RANBP17: variants seen among roughly 807,000 people sequenced by gnomAD.
RANBP17 encodes the protein ran-binding protein 17.
RANBP17 carries 158 observed loss-of-function variants against 141.2 expected under a neutral mutation model. The observed-to-expected ratio is 1.12, with a 90% CI of 0.98 to 1.28. RANBP17 has a LOEUF of 1.28. RANBP17 is among the 50% of genes most tolerant of loss of function. The pLI, the probability that RANBP17 is intolerant of heterozygous loss-of-function variation, is 0.00. For synonymous variants in RANBP17, 430 were observed against 450.0 expected, an observed-to-expected ratio of 0.96 and a Z score of 0.56; for missense variants, 1,438 against 1,290.7, an observed-to-expected ratio of 1.11 and a Z score of -1.75.
Position 171,241,018 on chromosome 5 carries a change from A to C in RANBP17, c.2513A>C (p.Lys838Thr). The C allele has an allele frequency of 6.2e-7, 1 of 1,613,974 alleles. No individual in the cohort carries two copies. The highest frequency in any genetic ancestry group is 8.5e-7 in the Non-Finnish European group (1 of 1,179,896). Residue 838 changes from lysine (K) to threonine (T), a missense_variant, in exon 23 of 28, where the codon AAG (lysine) becomes ACG (threonine). Coordinates refer to ENST00000523189, the MANE Select transcript of RANBP17 (RefSeq NM_022897.5). ...KGISICYSAL[K>T]SALCGNYVSF... is the part of the protein sequence containing the mutation. ...ATCTCCATCTGCTATTCAGCTCTCA[A>C]GTCTGCCTTGTGTGGAAATTATGTC...
chr5:171,013,675 T>C (rs1324139978), intron 14 of RANBP17, among the ~76,000 whole-genome samples: 1 of 152,158 alleles, frequency 6.6e-6, no homozygotes, highest in African/African-American at 2.4e-5. Context: ...CTAATAAGTC[T>C]TGAAGTCAGA....
chr5:171,276,811 G>A (rs1346572846), intron 25 of RANBP17, among the ~76,000 whole-genome samples: 5 of 150,638 alleles, frequency 3.3e-5, no homozygotes, highest in African/African-American at 4.9e-5. Context: ...TCACTCACAA[G>A]TATGGCAAAT....
intron 14 of RANBP17, among the ~76,000 whole-genome samples, chr5:171,165,397 C>T (rs547488306): frequency 2.6e-5 from 4 of 152,154 alleles, no homozygotes; most frequent in African/African-American, 9.6e-5. Flanking sequence ...AGGCTGGTCT[C>T]GAACTCCTGA....
At chr5:171,277,783 A>T (rs933565141) in intron 25 of RANBP17, among the ~76,000 whole-genome samples, 1 of 149,558 alleles carries the variant, frequency 6.7e-6, no homozygotes, top group Admixed American at 6.7e-5. Context: ...GCTAATAAGT[A>T]GCAGAACCTG....
At chr5:171,052,906 A>T (rs537583210) in intron 14 of RANBP17, among the ~76,000 whole-genome samples, 1 of 151,648 alleles carries the variant, frequency 6.6e-6, no homozygotes, top group Non-Finnish European at 1.5e-5. Context: ...AGGCTGGGGT[A>T]CAATGGCACG....
At chr5:170,901,400 T>C (rs1024938484) in intron 5 of RANBP17, among the ~76,000 whole-genome samples, 15 of 152,190 alleles carry the variant, frequency 9.9e-5, no homozygotes, top group African/African-American at 3.4e-4. Context: ...AGCCTATGTG[T>C]GTAGGCTATT....
At chr5:171,057,775 G>A (rs1042445997) in intron 14 of RANBP17, among the ~76,000 whole-genome samples, 3 of 152,104 alleles carry the variant, frequency 2.0e-5, no homozygotes, top group African/African-American at 7.2e-5. Context: ...TGGAGGGAGT[G>A]CAAGCAGGGG....
chr5:170,916,464 G>C lies in RANBP17; in HGVS notation c.835-1G>C. On this transcript the variant is annotated splice_acceptor_variant, in intron 8 of 27. Coordinates refer to ENST00000523189, the MANE Select transcript of RANBP17 (RefSeq NM_022897.5). LOFTEE classifies it high-confidence loss of function. ...AATGAAATTTTTTTGGTATTTTTTA[G>C]GCACTTTCATGTTTAGTTCAGTTTG... 1 of 1,525,574 alleles carries C rather than the reference G, an allele frequency of 6.6e-7. No individual in the cohort carries two copies. Among genetic ancestry groups the C allele is most frequent in the Non-Finnish European group, 8.8e-7 (1 of 1,132,876 alleles). The allele number at this position is 1,525,574 out of a possible 1,614,324, so 94.5% of individuals were successfully genotyped here. A position where few individuals can be genotyped will look rare whatever the true frequency, so the allele number is the denominator to read the frequency against.
intron 14 of RANBP17, among the ~76,000 whole-genome samples, chr5:171,133,739 T>G (rs1240947459): frequency 6.6e-6 from 1 of 152,210 alleles, no homozygotes; most frequent in South Asian, 2.1e-4. Flanking sequence ...TGTGCTTAAA[T>G]GTATGACCAG....
At chr5:171,151,928 C>T (rs1163458039) in intron 14 of RANBP17, among the ~76,000 whole-genome samples, 2 of 152,122 alleles carry the variant, frequency 1.3e-5, no homozygotes, top group African/African-American at 4.8e-5. Context: ...TTTAATTGAA[C>T]TCTTGGGAGC....
At chr5:171,118,064 A>G (rs1416009693) in intron 14 of RANBP17, among the ~76,000 whole-genome samples, 1 of 152,148 alleles carries the variant, frequency 6.6e-6, no homozygotes, top group Non-Finnish European at 1.5e-5. Context: ...GGTCTTATGC[A>G]TAAAATATTT....
intron 24 of RANBP17, among the ~76,000 whole-genome samples, chr5:171,264,072 A>G (rs1312056800): frequency 1.3e-5 from 2 of 152,256 alleles, no homozygotes; most frequent in Non-Finnish European, 2.9e-5. Context: ...AACAACAACA[A>G]AAAGGTGTTT....
intron 14 of RANBP17, among the ~76,000 whole-genome samples, chr5:170,988,678 A>C (rs4640813): frequency 0.6 from 90,721 of 151,310 alleles, 28,956 homozygotes; most frequent in South Asian, 0.88. Context: ...GATTTTCATA[A>C]TTAAAATTTT....
At chr5:171,174,915 A>G (rs987401100) in intron 16 of RANBP17, among the ~76,000 whole-genome samples, 1 of 151,804 alleles carries the variant, frequency 6.6e-6, no homozygotes, top group East Asian at 1.9e-4. Flanking sequence ...CCCATCATCT[A>G]CATCAGGTAT....
At chr5:170,964,593 T>C (rs1454607056) in intron 13 of RANBP17, among the ~76,000 whole-genome samples, 1 of 152,140 alleles carries the variant, frequency 6.6e-6, no homozygotes, top group Non-Finnish European at 1.5e-5. Flanking sequence ...TTCCCCTTCC[T>C]GTGTCCATGT....
chr5:171,055,291 CA>C (rs1783265842), intron 14 of RANBP17, among the ~76,000 whole-genome samples: 1 of 152,126 alleles, frequency 6.6e-6, no homozygotes, highest in African/African-American at 2.4e-5. Flanking sequence ...CAGGAATAGA[CA>C]GGGTTAGTCT....
intron 21 of RANBP17, among the ~76,000 whole-genome samples, chr5:171,215,362 C>T (rs1449849090): frequency 1.3e-5 from 2 of 152,128 alleles, no homozygotes; most frequent in Non-Finnish European, 2.9e-5. Flanking sequence ...CTGCAGTAAA[C>T]ATACATGTGC....
chr5:171,052,222 C>T (rs1370663583), intron 14 of RANBP17, among the ~76,000 whole-genome samples: 5 of 151,934 alleles, frequency 3.3e-5, no homozygotes, highest in South Asian at 2.1e-4. Flanking sequence ...ACTTTTTTGA[C>T]GATATTCTTT....
intron 12 of RANBP17, among the ~76,000 whole-genome samples, chr5:170,928,168 G>A (rs989471066): frequency 4.6e-5 from 7 of 151,966 alleles, no homozygotes; most frequent in African/African-American, 1.4e-4. Flanking sequence ...TTTGTGAAAA[G>A]TCTGTTGCCC....
Sources: gnomAD v4.1 joint callset for allele counts (sites outside exome capture counted in the v4.1 genomes callset) on GRCh38, gnomAD v4.1.1 for gene constraint, MANE v1.5 for transcripts, NCBI Gene and HGNC (gene_info 2026-07-23, HGNC 2026-07-21) for gene names.